TMEM178B: variants seen among roughly 807,000 people sequenced by gnomAD.
TMEM178B encodes transmembrane protein 178B.
TMEM178B carries 5 observed loss-of-function variants against 31.0 expected under a neutral mutation model. The observed-to-expected ratio is 0.16, with a 90% confidence interval of 0.08 to 0.34. TMEM178B has a LOEUF of 0.34. Ranked by LOEUF, TMEM178B falls within the 10% of genes least tolerant of loss-of-function variation. The pLI is 1.00. For synonymous variants in TMEM178B, 164 were observed against 164.0 expected (o/e 1.00, Z 0.00); for missense variants, 275 against 400.3 (o/e 0.69, Z 2.67).
At chr7:141,221,786 A>G (rs982695545) in intron 2 of TMEM178B, among the ~76,000 whole-genome samples, 1 of 152,194 alleles carries the variant, frequency 6.6e-6, no homozygotes, top group East Asian at 1.9e-4. Context: ...GGATGGGGTA[A>G]CAGAGCAAGT....
At chr7:141,345,669 A>C (rs1311218489) in intron 2 of TMEM178B, among the ~76,000 whole-genome samples, 1 of 152,244 alleles carries the variant, frequency 6.6e-6, no homozygotes, top group African/African-American at 2.4e-5. Flanking sequence ...AGGAGATCTC[A>C]TGTGAAAACG....
At chr7:141,486,300 A>C in the TMEM178B span, among the ~76,000 whole-genome samples, 1 of 152,218 alleles carries the variant, frequency 6.6e-6, no homozygotes, top group Non-Finnish European at 1.5e-5. Flanking sequence ...TAATGGGTAC[A>C]ATGTACATTA....
intron 1 of TMEM178B, among the ~76,000 whole-genome samples, chr7:141,098,869 A>G (rs921130495): frequency 1.3e-5 from 2 of 152,148 alleles, no homozygotes; most frequent in African/African-American, 4.8e-5. Flanking sequence ...TCCAGTTGTG[A>G]TTTCTTTGGG....
At chr7:141,353,672 T>G (rs1799772549) in intron 2 of TMEM178B, among the ~76,000 whole-genome samples, 1 of 152,220 alleles carries the variant, frequency 6.6e-6, no homozygotes, top group Non-Finnish European at 1.5e-5. Context: ...GCTCCTTTCC[T>G]ATTAGGATCA....
chr7:141,088,277 C>T (rs931094429), intron 1 of TMEM178B, among the ~76,000 whole-genome samples: 1 of 151,942 alleles, frequency 6.6e-6, no homozygotes, highest in Non-Finnish European at 1.5e-5. Context: ...TCTTTCCTTC[C>T]TCGTGTGCAC....
chr7:141,215,474 T>C (rs1249083179), intron 2 of TMEM178B, among the ~76,000 whole-genome samples: 1 of 152,006 alleles, frequency 6.6e-6, no homozygotes, highest in Non-Finnish European at 1.5e-5. Flanking sequence ...TACAGGCGTG[T>C]GCCACCATGC....
chr7:141,263,617 T>TG (rs1306421866), intron 2 of TMEM178B, among the ~76,000 whole-genome samples: 1 of 152,174 alleles, frequency 6.6e-6, no homozygotes, highest in Non-Finnish European at 1.5e-5. Flanking sequence ...GTAACAATTT[T>TG]ATGCTTTGAG....
At chr7:141,348,329 A>T (rs1329703335) in intron 2 of TMEM178B, among the ~76,000 whole-genome samples, 1 of 152,228 alleles carries the variant, frequency 6.6e-6, no homozygotes. Flanking sequence ...TATGTAATGC[A>T]TTGCATCCAA....
intron 2 of TMEM178B, among the ~76,000 whole-genome samples, chr7:141,280,275 C>T (rs1284920262): frequency 6.6e-6 from 1 of 152,062 alleles, no homozygotes; most frequent in Non-Finnish European, 1.5e-5. Flanking sequence ...CAGAAGCAGG[C>T]CTGTGTCTCT....
intron 2 of TMEM178B, among the ~76,000 whole-genome samples, chr7:141,380,707 T>C (rs58580444): frequency 6.6e-6 from 1 of 152,322 alleles, no homozygotes; most frequent in South Asian, 2.1e-4. Flanking sequence ...TAAGCAAATA[T>C]TGATTGAATG....
chr7:141,450,418 G>T (rs770222303), intron 3 of TMEM178B, among the ~76,000 whole-genome samples: 5 of 152,256 alleles, frequency 3.3e-5, no homozygotes, highest in African/African-American at 1.2e-4. Flanking sequence ...AGAGGAGCCA[G>T]ATACCTGGAT....
At chr7:141,457,538 G>T (rs1801987736) in intron 3 of TMEM178B, among the ~76,000 whole-genome samples, 1 of 152,102 alleles carries the variant, frequency 6.6e-6, no homozygotes, top group Non-Finnish European at 1.5e-5. Context: ...TTCCTCATAA[G>T]AAAGAATAGT....
chr7:141,216,423 CTG>C lies in TMEM178B; in HGVS notation c.496+3744_496+3745del, dbSNP rs575369422. On this transcript the variant is annotated intron_variant, in intron 2 of 3. Transcript: ENST00000565468. ...GGGAGTAAAGGCCAGAGGATGAAGC[CTG>C]TGTGTGTGTGTGTGTGTGTGTGTGC... 1.9e-3 allele frequency among the ~76,000 whole-genome samples: 169 copies of C among 89,378 alleles called. 4 individuals are homozygous for C. Among genetic ancestry groups the C allele is most frequent in the African/African-American group, 4.3e-3 (115 of 26,510 alleles). 58.6% of individuals were successfully genotyped at this position (89,378 alleles called of 152,430 possible). A position where few individuals can be genotyped will look rare whatever the true frequency, so the allele number is the denominator to read the frequency against.
intron 2 of TMEM178B, among the ~76,000 whole-genome samples, chr7:141,266,316 C>G (rs1348676582): frequency 1.3e-5 from 2 of 152,132 alleles, no homozygotes; most frequent in East Asian, 3.9e-4. Context: ...CTGGCCAAGG[C>G]ATGCCTGAGG....
rs191614776 is a variant in TMEM178B at position 141,284,962 on chromosome 7, A to G, written c.496+72258A>G. ...ACCAATCAAGAAGAATGGATCAATT[A>G]GAGATATGAATTCTGGTGCTTATAT... On this transcript the variant is annotated intron_variant, in intron 2 of 3. Coordinates refer to ENST00000565468, the MANE Select transcript of TMEM178B (RefSeq NM_001195278.2). 1.2e-3 allele frequency among the ~76,000 whole-genome samples: 175 copies of G among 152,102 alleles called. 1 individual carries two copies. Among genetic ancestry groups the G allele is most frequent in the Middle Eastern group, 6.8e-3 (2 of 294 alleles).
At position 141,461,574 on chromosome 7, in the gene TMEM178B, G is replaced by A. The variant is rs1474601098; in HGVS notation, c.635-8962G>A. On this transcript the variant is annotated intron_variant, in intron 3 of 3. Transcript: ENST00000565468. The surrounding 1 kb of genome is among the most constrained non-coding windows in gnomAD (Gnocchi z 4.0). ...TCCTAGGAGACGGCTTCTTGAATTA[G>A]TAAGAGCATTTCTGCTGCCTAGCCT... Among the ~76,000 whole-genome samples, 1 of 152,226 alleles carries A rather than the reference G, an allele frequency of 6.6e-6. No homozygotes were observed. The highest frequency in any genetic ancestry group is 1.9e-4 in the East Asian group (1 of 5,196).
At chr7:141,319,435 G>A (rs965471752) in intron 2 of TMEM178B, among the ~76,000 whole-genome samples, 3 of 152,188 alleles carry the variant, frequency 2.0e-5, no homozygotes, top group Non-Finnish European at 2.9e-5. Flanking sequence ...TGTCAGGCCT[G>A]GGGGGAGTTT....
At chr7:141,130,467 A>G (rs1456592922) in intron 1 of TMEM178B, among the ~76,000 whole-genome samples, 1 of 152,168 alleles carries the variant, frequency 6.6e-6, no homozygotes, top group Non-Finnish European at 1.5e-5. Flanking sequence ...ACTCAATATT[A>G]TATCATGAGA....
chr7:141,423,473 T>C lies in TMEM178B; in HGVS notation c.497-14135T>C, dbSNP rs148351561. 1.8e-3 allele frequency among the ~76,000 whole-genome samples: 274 copies of C among 152,294 alleles called. 2 individuals are homozygous for C. The highest frequency in any genetic ancestry group is 6.2e-3 in the African/African-American group (259 of 41,554). On this transcript the variant is annotated intron_variant, in intron 2 of 3. Coordinates refer to ENST00000565468, the MANE Select transcript of TMEM178B (RefSeq NM_001195278.2). ...ACGTATTTTACACTTACAGCCTGTA[T>C]CAATTCAAGTGCTCTACACCCACAT...
Sources: allele counts gnomAD v4.1 joint callset (sites outside exome capture counted in the v4.1 genomes callset), GRCh38; gene constraint gnomAD v4.1.1; non-coding constraint Gnocchi (gnomAD v3.1); transcripts MANE v1.5; gene names NCBI Gene and HGNC (gene_info 2026-07-23, HGNC 2026-07-21).